Variants in SLC41A2 observed in about 807,000 individuals in gnomAD.
The protein encoded by SLC41A2 is solute carrier family 41 member 2.
In SLC41A2, 32 loss-of-function variants were observed where a neutral mutation model predicts 58.3. The ratio of observed to expected loss-of-function variants is 0.55; its 90% CI spans 0.41 to 0.74. The LOEUF (loss-of-function observed/expected upper bound fraction) is 0.74, where lower values mean the gene tolerates loss of function less well. Ranked by LOEUF, SLC41A2 falls within the 30% of genes least tolerant of loss-of-function variation. The pLI is 0.00. For synonymous variants in SLC41A2, 190 were observed against 235.0 expected (o/e 0.81, Z 1.75); for missense variants, 514 against 680.6 (o/e 0.76, Z 2.72).
intron 10 of SLC41A2, among the ~76,000 whole-genome samples, chr12:104,817,672 G>A (rs1444239471): frequency 2.0e-5 from 3 of 149,988 alleles, no homozygotes; most frequent in Non-Finnish European, 4.4e-5. Context: ...AGTAACAGTT[G>A]TTTACTATCA....
chr12:104,866,207 A>G (rs990350954), intron 7 of SLC41A2, among the ~76,000 whole-genome samples: 1 of 152,166 alleles, frequency 6.6e-6, no homozygotes, highest in Non-Finnish European at 1.5e-5. Context: ...GGTTCTTTAC[A>G]TCTACTGATT....
At chr12:104,828,628 G>A (rs555755619) in intron 10 of SLC41A2, among the ~76,000 whole-genome samples, 3 of 152,050 alleles carry the variant, frequency 2.0e-5, no homozygotes, top group Admixed American at 6.5e-5. Context: ...CGGAAGAAGC[G>A]AGCCATACCC....
At chr12:104,923,758 T>C (rs1011716093) in intron 2 of SLC41A2, among the ~76,000 whole-genome samples, 1 of 152,062 alleles carries the variant, frequency 6.6e-6, no homozygotes, top group Non-Finnish European at 1.5e-5. Context: ...TATTGAACCA[T>C]GAAGAAATAG....
At chr12:104,939,349 C>T (rs1338317812) in intron 1 of SLC41A2, among the ~76,000 whole-genome samples, 1 of 152,112 alleles carries the variant, frequency 6.6e-6, no homozygotes, top group Non-Finnish European at 1.5e-5. Context: ...AGGTGCAGGA[C>T]ACCACACCCA....
intron 2 of SLC41A2, among the ~76,000 whole-genome samples, chr12:104,922,884 C>T (rs186295872): frequency 6.6e-6 from 1 of 152,190 alleles, no homozygotes; most frequent in African/African-American, 2.4e-5. Flanking sequence ...ACCTCAGAAA[C>T]TACACAAACA....
intron 6 of SLC41A2, among the ~76,000 whole-genome samples, chr12:104,877,073 A>G (rs2044083675): frequency 6.6e-6 from 1 of 152,248 alleles, no homozygotes; most frequent in Non-Finnish European, 1.5e-5. Context: ...CATGGCCTCT[A>G]TAACTAAAGC....
At chr12:104,819,426 T>C (rs2468100) in intron 10 of SLC41A2, among the ~76,000 whole-genome samples, 116,053 of 152,132 alleles carry the variant, frequency 0.76, 45,253 homozygotes, top group African/African-American at 0.94. Flanking sequence ...GCTATGTATT[T>C]ATATCTAGAA....
chr12:104,926,032 A>C (rs1314867690), intron 2 of SLC41A2, among the ~76,000 whole-genome samples: 1 of 152,206 alleles, frequency 6.6e-6, no homozygotes, highest in Non-Finnish European at 1.5e-5. Context: ...CTGATGGTGG[A>C]AAAATGTTTC....
chr12:104,869,419 A>G (rs572138140), intron 6 of SLC41A2, among the ~76,000 whole-genome samples: 1 of 152,232 alleles, frequency 6.6e-6, no homozygotes, highest in Non-Finnish European at 1.5e-5. Context: ...AGAACAAAAG[A>G]TAAAGCAAAT....
intron 2 of SLC41A2, among the ~76,000 whole-genome samples, chr12:104,917,546 T>G (rs1017824840): frequency 6.6e-6 from 1 of 151,636 alleles, no homozygotes; most frequent in Non-Finnish European, 1.5e-5. Context: ...TGCGGCACTA[T>G]TCACAATAGC....
In SLC41A2 at chr12:104,866,462, T is replaced by G. The variant is rs1471077086; in HGVS notation, c.1145A>C (p.Glu382Ala). The G allele has an allele frequency of 6.2e-6, 10 of 1,612,804 alleles. No homozygotes were observed. The highest frequency in any genetic ancestry group is 1.3e-5 in the African/African-American group (1 of 74,650). The part of the protein sequence containing the change: ...ATRTVLHSGW[E>A]PVITAMVISS... ...TATAACCATAGCTGTTATGACAGGC[T>G]CCCAGCCTGAGTGGAGAACTGTTCT... The change falls in exon 7 of 11, where the codon GAG becomes GCG. Residue 382 changes from glutamate to alanine, a missense_variant. Around this residue, in one of 3 missense-constraint regions of SLC41A2, gnomAD observed 50 missense variants for 104.5 expected, o/e 0.48. Transcript: ENST00000258538.
At position 104,919,482 on chromosome 12, in the gene SLC41A2, C is replaced by G. The variant is rs535024677; in HGVS notation, c.555+8491G>C. Among the ~76,000 whole-genome samples, 20 of 152,306 alleles carry G rather than the reference C, an allele frequency of 1.3e-4. No individual in the cohort carries two copies. The South Asian group carries it at 3.9e-3, about 30-fold the overall frequency. On this transcript the variant is annotated intron_variant, in intron 2 of 10. Coordinates refer to ENST00000258538, the MANE Select transcript of SLC41A2 (RefSeq NM_001352171.3). ...TATTCCCAACAGCAATGCATGATAT[C>G]CTTTCTCTACATGCTAACTCCATCC...
chr12:104,918,720 T>A (rs1475432151), intron 2 of SLC41A2, among the ~76,000 whole-genome samples: 1 of 151,572 alleles, frequency 6.6e-6, no homozygotes, highest in Non-Finnish European at 1.5e-5. Flanking sequence ...TTTTTCTCCA[T>A]CACTTACTCT....
At chr12:104,860,012 G>C (rs936071752) in intron 8 of SLC41A2, among the ~76,000 whole-genome samples, 15 of 152,098 alleles carry the variant, frequency 9.9e-5, no homozygotes, top group Admixed American at 5.9e-4. Flanking sequence ...CAAAGTACTG[G>C]GATTACAGGG....
rs534516912 is a variant in SLC41A2, at chr12:104,881,323, C to T, written c.1027+4970G>A. ...TTTTGTGTCTCTATCTCCTTCAGTT[C>T]TGCTCTGATCTTAGTTATATCTTGC... On this transcript the variant is annotated intron_variant, in intron 6 of 10. Coordinates refer to ENST00000258538, the MANE Select transcript of SLC41A2 (RefSeq NM_001352171.3). Among the ~76,000 whole-genome samples the T allele has an allele frequency of 4.2e-4, 64 of 152,184 alleles. 1 individual carries two copies. The highest frequency in any genetic ancestry group is 4.2e-3 in the Admixed American group (64 of 15,284).
At chr12:104,915,001 G>A (rs1272189356) in intron 2 of SLC41A2, among the ~76,000 whole-genome samples, 1 of 152,168 alleles carries the variant, frequency 6.6e-6, no homozygotes, top group African/African-American at 2.4e-5. Flanking sequence ...TCCAGTATGT[G>A]CTCTGGAGCT....
At chr12:104,864,813 ATATTATGCAATAGC>A (rs912380923) in intron 7 of SLC41A2, among the ~76,000 whole-genome samples, 6 of 151,988 alleles carry the variant, frequency 3.9e-5, no homozygotes, top group Admixed American at 6.6e-5. Flanking sequence ...TATATTATGA[ATATTATGCAATAGC>A]TATTATGCAA....
intron 2 of SLC41A2, 148 bp downstream of exon 2, chr12:104,927,825 C>A (rs1456798499): frequency 1.5e-6 from 1 of 649,070 alleles, no homozygotes; most frequent in Non-Finnish European, 2.3e-6. Context: ...GAAATAGATT[C>A]TCTCCCAGAG....
rs755571996 is a variant in SLC41A2, at chr12:104,874,126, T to C, written c.1028-7547A>G. ...TCTTGCTCAGTTGCCCAGGCTAGAG[T>C]GCAGTGGCGCAATCTTGGCTCACTG... is the stretch of plus-strand genomic sequence containing the variant. On this transcript the variant is annotated intron_variant, in intron 6 of 10. Coordinates refer to ENST00000258538, the MANE Select transcript of SLC41A2 (RefSeq NM_001352171.3). Among the ~76,000 whole-genome samples, 8 of 149,182 alleles carry C rather than the reference T, an allele frequency of 5.4e-5. No individual in the cohort carries two copies. In the East Asian group the frequency reaches 9.9e-4, roughly 18 times the overall value.
Sources: allele counts gnomAD v4.1 joint callset (sites outside exome capture counted in the v4.1 genomes callset), GRCh38; gene constraint gnomAD v4.1.1; regional missense constraint gnomAD v4.1.1; transcripts MANE v1.5; gene names NCBI Gene and HGNC (gene_info 2026-07-23, HGNC 2026-07-21).